Variants in MAMLD1 observed in about 807,000 individuals in gnomAD.
MAMLD1 encodes the protein mastermind like domain containing 1.
Under a neutral mutation model 45.0 loss-of-function variants are expected in MAMLD1, and 14 were observed. The ratio of observed to expected loss-of-function variants is 0.31; its 90% CI spans 0.21 to 0.49. The LOEUF is 0.49. Among genes scored for constraint, MAMLD1 ranks in the 20% least tolerant of loss-of-function variants. MAMLD1 has a pLI of 0.99. For missense variants in MAMLD1, 543 were observed against 603.6 expected (o/e 0.90, Z 1.05); for synonymous variants, 254 against 247.8 (o/e 1.02, Z -0.24).
At chrX:150,461,536 G>A (rs1409185661) in intron 2 of MAMLD1, among the ~76,000 whole-genome samples, 1 of 111,763 alleles carries the variant, frequency 8.9e-6, no homozygotes, top group African/African-American at 3.3e-5. Context: ...CTAGAAAAGG[G>A]GTGTTTTCTC....
intron 1 of MAMLD1, among the ~76,000 whole-genome samples, chrX:150,377,832 C>CAG (rs2032406265): frequency 9.3e-6 from 1 of 107,397 alleles, no homozygotes; most frequent in Non-Finnish European, 1.9e-5. Flanking sequence ...CACACACACA[C>CAG]ACACACACAC....
At chrX:150,382,710 CT>C (rs1464026579) in intron 1 of MAMLD1, among the ~76,000 whole-genome samples, 2 of 110,104 alleles carry the variant, frequency 1.8e-5, no homozygotes, top group African/African-American at 6.6e-5. Context: ...TTTCTGAATT[CT>C]TTTTATTAAA....
At chrX:150,408,378 T>C (rs1363004663) in intron 1 of MAMLD1, among the ~76,000 whole-genome samples, 3 of 111,918 alleles carry the variant, frequency 2.7e-5, no homozygotes, top group Non-Finnish European at 3.8e-5. Flanking sequence ...CATTTTTTTT[T>C]CATCTTTTTC....
rs782159736 is a variant in MAMLD1 at position 150,512,340 on chromosome X, G to T, written c.*381G>T. On this transcript the variant is annotated 3_prime_UTR_variant, in exon 8 of 8. Coordinates refer to ENST00000370401, the MANE Select transcript of MAMLD1 (RefSeq NM_005491.5). Reference sequence around the variant, plus strand: ...CCTGGGTTCTGTCCCAGCTCCCTGGGCACCCAGTCCTTGAGTCCCCACCAG... The same window carrying T: ...CCTGGGTTCTGTCCCAGCTCCCTGGTCACCCAGTCCTTGAGTCCCCACCAG... 16 of 1,131,271 alleles carry T rather than the reference G, an allele frequency of 1.4e-5. No individual in the cohort carries two copies. The highest frequency in any genetic ancestry group is 1.9e-5 in the Non-Finnish European group (16 of 858,601). 93.2% of individuals were successfully genotyped at this position (1,131,271 alleles called of 1,213,427 possible).
intron 4 of MAMLD1, among the ~76,000 whole-genome samples, chrX:150,471,779 C>T (rs942594435): frequency 8.9e-5 from 10 of 111,984 alleles, no homozygotes; most frequent in African/African-American, 2.9e-4. Context: ...GGGACAAGTC[C>T]GAATACAGAA....
At chrX:150,510,764 G>A (rs2037873666) in intron 7 of MAMLD1, among the ~76,000 whole-genome samples, 2 of 112,129 alleles carry the variant, frequency 1.8e-5, no homozygotes, top group Admixed American at 1.9e-4. Context: ...GGCCAGAAGA[G>A]GCTGCTTGCC....
intron 1 of MAMLD1, among the ~76,000 whole-genome samples, chrX:150,442,049 ATT>A (rs781870032): frequency 3.2e-4 from 31 of 95,458 alleles, no homozygotes; most frequent in African/African-American, 5.7e-4. Flanking sequence ...TGTCGCTGGT[ATT>A]TTTTTTTTTT....
At chrX:150,491,514 C>A (rs1226780213) in intron 5 of MAMLD1, among the ~76,000 whole-genome samples, 1 of 112,196 alleles carries the variant, frequency 8.9e-6, no homozygotes, top group East Asian at 2.8e-4. Flanking sequence ...CAGCTGTTGA[C>A]CTCACTGTAA....
chrX:150,493,747 T>C (rs2037264917), intron 5 of MAMLD1, among the ~76,000 whole-genome samples: 1 of 112,078 alleles, frequency 8.9e-6, no homozygotes, highest in Admixed American at 9.5e-5. Context: ...GGCTCATCTG[T>C]TTTGTGTTGA....
intron 1 of MAMLD1, among the ~76,000 whole-genome samples, chrX:150,416,475 T>C (rs1201780636): frequency 8.9e-6 from 1 of 112,303 alleles, no homozygotes; most frequent in Non-Finnish European, 1.9e-5. Context: ...AGCCAAAAGC[T>C]GGCTGGCTGC....
intron 1 of MAMLD1, among the ~76,000 whole-genome samples, chrX:150,394,156 C>CTTTTTTTTTTTTTTTTTTTTTTTT (rs2033320430): frequency 1.3e-4 from 2 of 15,068 alleles, no homozygotes; most frequent in African/African-American, 2.8e-4. Context: ...TTTTTTTTTG[C>CTTTTTTTTTTTTTTTTTTTTTTTT]TTATCAATGT....
At chrX:150,476,703 T>A (rs2036590823) in intron 5 of MAMLD1, among the ~76,000 whole-genome samples, 1 of 112,890 alleles carries the variant, frequency 8.9e-6, no homozygotes, top group African/African-American at 3.2e-5. Flanking sequence ...CACATGATGT[T>A]GTTTTGACAA....
At chrX:150,372,853 G>T (rs1557401153) in intron 1 of MAMLD1, among the ~76,000 whole-genome samples, 2 of 111,904 alleles carry the variant, frequency 1.8e-5, no homozygotes, top group Non-Finnish European at 3.8e-5. Flanking sequence ...ATCAAGGAGT[G>T]TCACTGCACT....
intron 5 of MAMLD1, among the ~76,000 whole-genome samples, chrX:150,499,249 A>C (rs1425889999): frequency 8.9e-6 from 1 of 111,900 alleles, no homozygotes; most frequent in Admixed American, 9.5e-5. Context: ...GGTGTTGAGG[A>C]TCCATTACCT....
At chrX:150,398,287 G>GAAGAAGAAGAAGAAC (rs2033542150) in intron 1 of MAMLD1, among the ~76,000 whole-genome samples, 3 of 80,413 alleles carry the variant, frequency 3.7e-5, no homozygotes, top group Admixed American at 1.5e-4. Flanking sequence ...AGAAGAAGAA[G>GAAGAAGAAGAAGAAC]AAGAAGAAGA....
chrX:150,485,076 C>T (rs1177710318), intron 5 of MAMLD1, among the ~76,000 whole-genome samples: 1 of 111,104 alleles, frequency 9.0e-6, no homozygotes, highest in Non-Finnish European at 1.9e-5. Flanking sequence ...ACATTTGTCC[C>T]AGTAGAGAGG....
chrX:150,462,688 T>C lies in MAMLD1; in HGVS notation c.97-84T>C, dbSNP rs879973549. The C allele has an allele frequency of 6.2e-5, 39 of 632,297 alleles. No individual in the cohort carries two copies. The South Asian group carries it at 8.6e-4, about 14-fold the overall frequency. 52.1% of individuals were successfully genotyped at this position (632,297 alleles called of 1,213,427 possible). ...ATTTGATTCAAGTAACAGTCTGATC[T>C]GTGCCTCTCACTGAGCTGGTGCAGG... On this transcript the variant is annotated intron_variant, in intron 2 of 7. Transcript: ENST00000370401.
At chrX:150,394,116 C>A (rs782240022) in intron 1 of MAMLD1, among the ~76,000 whole-genome samples, 1 of 43,221 alleles carries the variant, frequency 2.3e-5, no homozygotes, top group Non-Finnish European at 4.2e-5. Context: ...GGTGTAAGGT[C>A]TATATCTACA....
intron 5 of MAMLD1, among the ~76,000 whole-genome samples, chrX:150,500,082 G>T (rs1239969124): frequency 1.8e-5 from 2 of 112,152 alleles, no homozygotes; most frequent in African/African-American, 3.2e-5. Flanking sequence ...ATACTGTCGG[G>T]GCACCAGAGG....
Sources: gnomAD v4.1 joint callset for allele counts (sites outside exome capture counted in the v4.1 genomes callset) on GRCh38, gnomAD v4.1.1 for gene constraint, MANE v1.5 for transcripts, NCBI Gene and HGNC (gene_info 2026-07-23, HGNC 2026-07-21) for gene names.